The following LARGE1 variants were observed in gnomAD, a reference collection of about 807,000 sequenced individuals.
LARGE1 encodes the protein LARGE xylosyl- and glucuronyltransferase 1, also known as xylosyl- and glucuronyltransferase LARGE1.
LARGE1 carries 43 observed loss-of-function variants against 87.6 expected under a neutral mutation model. That is an observed-to-expected ratio of 0.49 (90% CI 0.38 to 0.63). The LOEUF is 0.63. Ranked by LOEUF, LARGE1 falls within the 30% of genes least tolerant of loss-of-function variation. The pLI, the probability that LARGE1 is intolerant of heterozygous loss-of-function variation, is 0.00. For synonymous variants in LARGE1, 434 were observed against 394.6 expected (o/e 1.10, Z -1.18); for missense variants, 802 against 1,000.2 (o/e 0.80, Z 2.67).
intron 11 of LARGE1, among the ~76,000 whole-genome samples, chr22:33,209,565 A>G (rs997820243): frequency 2.0e-5 from 3 of 152,254 alleles, no homozygotes; most frequent in Non-Finnish European, 2.9e-5. Flanking sequence ...AGTACATTTC[A>G]ACTGCAATTC....
chr22:33,914,258 T>A (rs1354484209), intron 1 of LARGE1, among the ~76,000 whole-genome samples: 2 of 152,194 alleles, frequency 1.3e-5, no homozygotes, highest in Non-Finnish European at 2.9e-5. Flanking sequence ...GACTTGTGTA[T>A]CTACCCAATT....
intron 2 of LARGE1, among the ~76,000 whole-genome samples, chr22:33,729,317 T>C (rs1319119526): frequency 2.0e-5 from 3 of 152,158 alleles, no homozygotes; most frequent in Non-Finnish European, 4.4e-5. Flanking sequence ...GGCAGCAGCC[T>C]CAGAAGGAAG....
intron 2 of LARGE1, 24 bp from the exon 3 acceptor site, chr22:33,650,692 G>A: frequency 1.3e-6 from 2 of 1,597,510 alleles, no homozygotes; most frequent in Middle Eastern, 2.2e-4. Flanking sequence ...CACCAGGGAA[G>A]CTTTAATCTG....
At chr22:33,391,007 ATTT>A (rs1201359697) in intron 7 of LARGE1, among the ~76,000 whole-genome samples, 1 of 151,940 alleles carries the variant, frequency 6.6e-6, no homozygotes, top group African/African-American at 2.4e-5. Context: ...AATTTTTTGT[ATTT>A]TTAGTAGAGA....
chr22:33,482,936 C>A (rs2069393939), intron 6 of LARGE1, among the ~76,000 whole-genome samples: 1 of 152,130 alleles, frequency 6.6e-6, no homozygotes, highest in African/African-American at 2.4e-5. Flanking sequence ...ACCTTCTCTA[C>A]CTGATGCTGG....
chr22:33,798,873 A>C (rs2086070039), intron 1 of LARGE1, among the ~76,000 whole-genome samples: 1 of 152,208 alleles, frequency 6.6e-6, no homozygotes, highest in South Asian at 2.1e-4. Context: ...ATGGAGCACG[A>C]GCACATACAT....
chr22:33,291,226 G>A (rs959435261), intron 12 of LARGE1, among the ~76,000 whole-genome samples: 33 of 152,066 alleles, frequency 2.2e-4, no homozygotes, highest in Non-Finnish European at 4.0e-4. Flanking sequence ...AAAACTCTAC[G>A]ACCAACACCT....
chr22:33,848,576 G>T (rs896116381), intron 1 of LARGE1, among the ~76,000 whole-genome samples: 3 of 152,222 alleles, frequency 2.0e-5, no homozygotes, highest in Admixed American at 6.5e-5. Flanking sequence ...GGGAAGGAGG[G>T]CTCTTCCTGA....
intron 1 of LARGE1, among the ~76,000 whole-genome samples, chr22:33,873,831 C>T (rs1231903761): frequency 1.3e-5 from 2 of 152,024 alleles, no homozygotes; most frequent in African/African-American, 2.4e-5. Context: ...CTCCTCACTC[C>T]ATGTCACAAG....
chr22:33,714,940 G>T (rs1000382132), intron 2 of LARGE1, among the ~76,000 whole-genome samples: 5 of 152,180 alleles, frequency 3.3e-5, no homozygotes, highest in African/African-American at 1.2e-4. Flanking sequence ...TCCTTTGGAG[G>T]CATGCTGCCA....
chr22:33,265,937 G>A (rs773785044), intron 11 of LARGE1, among the ~76,000 whole-genome samples: 13 of 152,098 alleles, frequency 8.5e-5, no homozygotes, highest in African/African-American at 1.9e-4. Context: ...CCTCACAAAC[G>A]ATTCATATAC....
chr22:33,788,194 G>C (rs188426663), intron 1 of LARGE1, among the ~76,000 whole-genome samples: 1 of 152,166 alleles, frequency 6.6e-6, no homozygotes, highest in Non-Finnish European at 1.5e-5. Flanking sequence ...TACTGTGCTC[G>C]TGGTAGTGAA....
At chr22:33,565,148 G>C (rs867568248) in intron 5 of LARGE1, 129 bp from the exon 6 acceptor site, 5 of 827,224 alleles carry the variant, frequency 6.0e-6, no homozygotes, top group African/African-American at 1.7e-5. Flanking sequence ...TTGAATAAAT[G>C]AATGAGTTTT....
chr22:33,440,744 T>G (rs970156461), intron 6 of LARGE1, among the ~76,000 whole-genome samples: 1 of 152,332 alleles, frequency 6.6e-6, no homozygotes, highest in Middle Eastern at 3.4e-3. Flanking sequence ...CCTGAGAAGA[T>G]GCACACAGAA....
At chr22:33,399,840 G>A (rs1240211622) in intron 7 of LARGE1, among the ~76,000 whole-genome samples, 9 of 152,198 alleles carry the variant, frequency 5.9e-5, no homozygotes, top group Non-Finnish European at 1.0e-4. Flanking sequence ...GAGCCACCAC[G>A]CCCGGCCAAC....
At position 33,690,355 on chromosome 22, in the gene LARGE1, C is replaced by G. The variant is rs79733146; in HGVS notation, c.107-39687G>C. ...TCTCATGGGCTGTCCTCAGGACTAA[C>G]TAAGTATACCCATGAAGCACCAGTA... On this transcript the variant is annotated intron_variant, in intron 2 of 14. Coordinates refer to ENST00000397394, the MANE Select transcript of LARGE1 (RefSeq NM_133642.5). Among the ~76,000 whole-genome samples the G allele has an allele frequency of 5.1e-3, 770 of 152,236 alleles. 6 individuals are homozygous for G. The highest frequency in any genetic ancestry group is 0.018 in the African/African-American group (746 of 41,538).
the LARGE1 span, chr22:33,110,785 G>GT: frequency 2.0e-5 from 3 of 152,180 alleles, no homozygotes; most frequent in Admixed American, 6.5e-5. Flanking sequence ...CTGGCAGGAG[G>GT]TTTTTGGCAT....
the LARGE1 span, among the ~76,000 whole-genome samples, chr22:33,067,924 G>A: frequency 6.6e-6 from 1 of 151,918 alleles, no homozygotes; most frequent in East Asian, 1.9e-4. Flanking sequence ...AGGTTGCAGT[G>A]AGCTGAGATC....
chr22:33,782,591 G>A (rs1404266459), intron 1 of LARGE1, among the ~76,000 whole-genome samples: 1 of 152,134 alleles, frequency 6.6e-6, no homozygotes, highest in Non-Finnish European at 1.5e-5. Flanking sequence ...ATTGGGCTGG[G>A]CGCGGTGGCT....
Sources: gnomAD v4.1 joint callset for allele counts (sites outside exome capture counted in the v4.1 genomes callset) on GRCh38, gnomAD v4.1.1 for gene constraint, MANE v1.5 for transcripts, NCBI Gene and HGNC (gene_info 2026-07-23, HGNC 2026-07-21) for gene names.